The following DRD3 variants were observed in gnomAD, a reference collection of about 807,000 sequenced individuals.
The protein encoded by DRD3 is dopamine receptor D3, also known as D(3) dopamine receptor.
DRD3 carries 19 observed loss-of-function variants against 36.3 expected under a neutral mutation model. That is an observed-to-expected ratio of 0.52 (90% CI 0.36 to 0.77). DRD3 has a LOEUF of 0.77. DRD3 is among the 30% of genes least tolerant of loss of function. The pLI, the probability that DRD3 is intolerant of heterozygous loss-of-function variation, is 0.00. For synonymous variants in DRD3, 195 were observed against 203.7 expected (o/e 0.96, Z 0.36); for missense variants, 465 against 505.3 (o/e 0.92, Z 0.77).
At chr3:114,171,015 T>G (rs572365424) in intron 2 of DRD3, among the ~76,000 whole-genome samples, 2 of 152,222 alleles carry the variant, frequency 1.3e-5, no homozygotes, top group East Asian at 3.8e-4. Context: ...GGCTCTGTTT[T>G]GCACTCCCAA....
At chr3:114,164,128 C>T (rs778452698) in intron 2 of DRD3, among the ~76,000 whole-genome samples, 9 of 138,834 alleles carry the variant, frequency 6.5e-5, no homozygotes, top group East Asian at 4.4e-4. Context: ...AGCTGAGGCA[C>T]GAGAATTGCT....
At chr3:114,181,782 T>C (rs561790312), upstream of DRD3, among the ~76,000 whole-genome samples, 5 of 152,306 alleles carry the variant, frequency 3.3e-5, no homozygotes, top group East Asian at 7.7e-4. Context: ...AGGAAATTGA[T>C]GTGAAGTTTG....
chr3:114,156,160 C>T (rs745625435), intron 3 of DRD3, among the ~76,000 whole-genome samples: 76 of 152,158 alleles, frequency 5.0e-4, no homozygotes, highest in Non-Finnish European at 8.8e-4. Context: ...TAGTACTGGG[C>T]GGTGCCAGGA....
chr3:114,142,037 G>T (rs1250140542), intron 4 of DRD3, among the ~76,000 whole-genome samples: 1 of 109,940 alleles, frequency 9.1e-6, no homozygotes, highest in Non-Finnish European at 1.7e-5. Flanking sequence ...GATAGAGCGA[G>T]ACTCTCTCTC....
chr3:114,182,959 G>A (rs1319636400), upstream of DRD3, among the ~76,000 whole-genome samples: 1 of 152,178 alleles, frequency 6.6e-6, no homozygotes, highest in Non-Finnish European at 1.5e-5. Flanking sequence ...GAACATAGGT[G>A]TTCAGATATC....
chr3:114,156,969 C>A (rs2077686394), intron 3 of DRD3, among the ~76,000 whole-genome samples: 1 of 135,110 alleles, frequency 7.4e-6, no homozygotes, highest in African/African-American at 2.8e-5. Flanking sequence ...TCCTTCCTTC[C>A]TTCCTTCTTT....
At chr3:114,147,339 T>TTG in intron 4 of DRD3, 76 bp downstream of exon 4, 1 of 1,562,290 alleles carries the variant, frequency 6.4e-7, no homozygotes. Flanking sequence ...ATTGCAGGGC[T>TTG]GAGCACAACT....
chr3:114,194,122 G>T (rs185171663), intron 1 of DRD3, among the ~76,000 whole-genome samples: 1 of 152,290 alleles, frequency 6.6e-6, no homozygotes, highest in East Asian at 1.9e-4. Flanking sequence ...TATCCTAAAT[G>T]ATATCCCCAA....
intron 4 of DRD3, among the ~76,000 whole-genome samples, chr3:114,141,351 T>A (rs143732557): frequency 2.0e-5 from 3 of 152,330 alleles, no homozygotes; most frequent in South Asian, 4.1e-4. Context: ...TTCTTAAATA[T>A]GCAAAGCTTC....
At chr3:114,155,618 G>A (rs2077659451) in intron 3 of DRD3, among the ~76,000 whole-genome samples, 1 of 152,108 alleles carries the variant, frequency 6.6e-6, no homozygotes, top group African/African-American at 2.4e-5. Flanking sequence ...CCCTCTTCTG[G>A]CCAACTCTAG....
intron 1 of DRD3, among the ~76,000 whole-genome samples, chr3:114,195,113 G>C (rs2078030366): frequency 6.6e-6 from 1 of 152,168 alleles, no homozygotes; most frequent in Non-Finnish European, 1.5e-5. Flanking sequence ...TTGGGGAACA[G>C]GGAGGAATAG....
At chr3:114,179,772 A>G (rs538203065), upstream of DRD3, among the ~76,000 whole-genome samples, 167 of 152,232 alleles carry the variant, frequency 1.1e-3, no homozygotes, top group Non-Finnish European at 1.8e-3. Context: ...CGGTGCAGTT[A>G]TAGGGAAGCT....
At chr3:114,133,019 T>C (rs1319424558) in intron 5 of DRD3, among the ~76,000 whole-genome samples, 1 of 152,158 alleles carries the variant, frequency 6.6e-6, no homozygotes, top group Non-Finnish European at 1.5e-5. Flanking sequence ...AGACAGACTT[T>C]CGCTCTTGTT....
intron 1 of DRD3, among the ~76,000 whole-genome samples, chr3:114,185,700 T>G (rs1326978890): frequency 2.6e-5 from 4 of 152,054 alleles, no homozygotes; most frequent in Non-Finnish European, 5.9e-5. Flanking sequence ...TTTTAAGAGA[T>G]GGGCTTGGTC....
At chr3:114,161,112 T>TG (rs915506414) in intron 2 of DRD3, among the ~76,000 whole-genome samples, 6 of 151,876 alleles carry the variant, frequency 4.0e-5, no homozygotes, top group East Asian at 1.9e-4. Flanking sequence ...GCTTCTTTCC[T>TG]GGGGGGGTGG....
intron 3 of DRD3, among the ~76,000 whole-genome samples, chr3:114,150,369 C>T (rs1451671276): frequency 1.3e-5 from 2 of 152,236 alleles, no homozygotes; most frequent in African/African-American, 2.4e-5. Flanking sequence ...CTTAGCACTT[C>T]TATGCAAATC....
At chr3:114,137,834 A>AC in intron 5 of DRD3, among the ~76,000 whole-genome samples, 1 of 29,158 alleles carries the variant, frequency 3.4e-5, no homozygotes, top group Non-Finnish European at 1.7e-4. Flanking sequence ...TACTAAAAAT[A>AC]CAAAAAAAAA....
chr3:114,183,031 T>C (rs1026226706), upstream of DRD3, among the ~76,000 whole-genome samples: 25 of 152,198 alleles, frequency 1.6e-4, no homozygotes, highest in Admixed American at 1.6e-3. Context: ...TGCTGGTTCA[T>C]GTGGTAATTC....
At chr3:114,178,434 A>G (rs1019745831) in intron 1 of DRD3, among the ~76,000 whole-genome samples, 7 of 152,106 alleles carry the variant, frequency 4.6e-5, no homozygotes, top group Non-Finnish European at 8.8e-5. Flanking sequence ...CAAGGATACA[A>G]TTTTGGGGGA....
Sources: gnomAD v4.1 joint callset for allele counts (sites outside exome capture counted in the v4.1 genomes callset) on GRCh38, gnomAD v4.1.1 for gene constraint, MANE v1.5 for transcripts, NCBI Gene and HGNC (gene_info 2026-07-23, HGNC 2026-07-21) for gene names.